The following NUP155 variants were observed in gnomAD, a reference collection of about 807,000 sequenced individuals.
The protein encoded by NUP155 is nucleoporin 155.
Under a neutral mutation model 180.4 loss-of-function variants are expected in NUP155, and 71 were observed. The observed-to-expected ratio is 0.39, with a 90% CI of 0.33 to 0.48. The LOEUF is 0.48. Ranked by LOEUF, NUP155 falls within the 20% of genes least tolerant of loss-of-function variation. NUP155 has a pLI of 0.91. For missense variants in NUP155, 1,553 were observed against 1,648.9 expected, an observed-to-expected ratio of 0.94 and a Z score of 1.01; for synonymous variants, 582 against 559.5, an observed-to-expected ratio of 1.04 and a Z score of -0.57.
chr5:37,328,554 A>G, intron 16 of NUP155, 134 bp from the exon 17 acceptor site: 1 of 663,254 alleles, frequency 1.5e-6, no homozygotes. Context: ...CCCAGGCTGG[A>G]GTGCAGTGGC....
chr5:37,348,212 G>A (rs906836753), intron 9 of NUP155, among the ~76,000 whole-genome samples: 3 of 152,080 alleles, frequency 2.0e-5, no homozygotes, highest in Admixed American at 6.6e-5. Context: ...CCTGTGGCAG[G>A]AGAATCAGTT....
At chr5:37,320,739 A>C (rs1198709830) in intron 20 of NUP155, among the ~76,000 whole-genome samples, 2 of 152,248 alleles carry the variant, frequency 1.3e-5, no homozygotes, top group African/African-American at 4.8e-5. Context: ...TCAATTAACA[A>C]AAGACCATAA....
intron 10 of NUP155, 147 bp downstream of exon 10, chr5:37,342,401 GT>G (rs1276713364): frequency 1.6e-6 from 1 of 606,998 alleles, no homozygotes; most frequent in Non-Finnish European, 2.9e-6. Context: ...AAATCTCCCA[GT>G]TTTCAAAATC....
At chr5:37,310,213 C>A (rs920045815) in intron 23 of NUP155, among the ~76,000 whole-genome samples, 7 of 152,102 alleles carry the variant, frequency 4.6e-5, no homozygotes, top group African/African-American at 1.7e-4. Flanking sequence ...TGGTGCACAC[C>A]CGTAGCCCCT....
At chr5:37,295,580 G>A (rs1310091198) in intron 32 of NUP155, among the ~76,000 whole-genome samples, 4 of 112,114 alleles carry the variant, frequency 3.6e-5, no homozygotes, top group African/African-American at 6.0e-5. Context: ...CTGCCCAGCC[G>A]CCATCCCATC....
chr5:37,355,604 T>A (rs7711453), intron 4 of NUP155, among the ~76,000 whole-genome samples: 147,056 of 151,404 alleles, frequency 0.97, 71,576 homozygotes, highest in East Asian at 1. Flanking sequence ...TCAGAGGCGA[T>A]GTCTCACTCT....
chr5:37,295,093 A>C (rs1198279923), intron 32 of NUP155, among the ~76,000 whole-genome samples: 2 of 152,124 alleles, frequency 1.3e-5, no homozygotes, highest in African/African-American at 4.8e-5. Context: ...TCTCCCTCTG[A>C]TGCCGAGCCG....
intron 32 of NUP155, among the ~76,000 whole-genome samples, chr5:37,295,430 C>A (rs1270639739): frequency 1.3e-5 from 2 of 152,006 alleles, no homozygotes; most frequent in Non-Finnish European, 2.9e-5. Flanking sequence ...GCCTTGGCCT[C>A]CCAAAGTGCC....
chr5:37,352,804 G>C lies in NUP155; in HGVS notation c.489C>G (p.His163Gln), dbSNP rs202230125. The C allele has an allele frequency of 6.2e-7, 1 of 1,613,464 alleles. No individual in the cohort carries two copies. Among genetic ancestry groups the C allele is most frequent in the Non-Finnish European group, 8.5e-7 (1 of 1,179,538 alleles). Residue 163 changes from histidine (H) to glutamine (Q), a missense_variant, in exon 5 of 35, where the codon CAC becomes CAG. Physicochemically the swap from His to Gln is conservative, Grantham distance 24. Transcript: ENST00000231498. ...CTACAGGGGTCGCCAAAACCAGGAG[G>C]TGTCGCACATGAGGTTGAAAGATGC... The part of the protein sequence containing the change: ...KAGIFQPHVR[H>Q]LLVLATPVDI...
chr5:37,362,273 G>A (rs1221424291), intron 3 of NUP155, among the ~76,000 whole-genome samples: 1 of 151,696 alleles, frequency 6.6e-6, no homozygotes, highest in Non-Finnish European at 1.5e-5. Flanking sequence ...TAATGGAAAT[G>A]TAAAAAATTT....
intron 4 of NUP155, among the ~76,000 whole-genome samples, chr5:37,354,446 C>CT (rs1746676892): frequency 7.6e-6 from 1 of 132,410 alleles, no homozygotes; most frequent in South Asian, 2.5e-4. Context: ...CACCCAGTGT[C>CT]TTTATTTCTT....
intron 12 of NUP155, among the ~76,000 whole-genome samples, chr5:37,337,330 C>T (rs936956312): frequency 7.2e-5 from 11 of 151,762 alleles, no homozygotes; most frequent in East Asian, 1.9e-4. Flanking sequence ...AATTCTCTTA[C>T]GTGAGGTTCA....
Position 37,341,070 on chromosome 5 carries a change from G to C in NUP155, c.1246+20C>G, listed in dbSNP as rs373390890. ...ATTTTAAGAATATAATCTTAAATCT[G>C]ATAGTATTTCAGAACTTACCTTTAC... On this transcript the variant is annotated intron_variant, in intron 11 of 34. Transcript: ENST00000231498. The C allele has an allele frequency of 6.4e-6, 10 of 1,558,764 alleles. No individual in the cohort carries two copies. In the African/African-American group the frequency reaches 1.4e-4, roughly 21 times the overall value.
At chr5:37,339,166 C>G (rs1455237225) in intron 11 of NUP155, among the ~76,000 whole-genome samples, 1 of 151,166 alleles carries the variant, frequency 6.6e-6, no homozygotes, top group Non-Finnish European at 1.5e-5. Flanking sequence ...CCCAGGAGTT[C>G]GAGACCAGCC....
In NUP155 at chr5:37,288,779, T is replaced by TGGGGGGGGGGGGG. The variant is rs1303278690; in HGVS notation, c.*3120_*3121insCCCCCCCCCCCCC. The TGGGGGGGGGGGGG allele has an allele frequency of 2.2e-5, 1 of 45,688 alleles. No homozygotes were observed. The highest frequency in any genetic ancestry group is 6.6e-5 in the African/African-American group (1 of 15,158). The allele number at this position is 45,688 out of a possible 1,614,324, so 2.8% of individuals were successfully genotyped here. A position where few individuals can be genotyped will look rare whatever the true frequency, so the allele number is the denominator to read the frequency against. On this transcript the variant is annotated 3_prime_UTR_variant, in exon 35 of 35. Transcript: ENST00000231498. Reference sequence around the variant, plus strand: ...AAAAAAAAAAAAAAAGTAGGGGGGGTGGGGCTAGGCGCAGTGGCTCATGCC... The same window carrying TGGGGGGGGGGGGG: ...AAAAAAAAAAAAAAAGTAGGGGGGGTGGGGGGGGGGGGGGGGGCTAGGCGCAGTGGCTCATGCC...
chr5:37,351,394 A>G, intron 5 of NUP155, 38 bp from the exon 6 acceptor site: 1 of 1,404,398 alleles, frequency 7.1e-7, no homozygotes, highest in Non-Finnish European at 1.0e-6. Flanking sequence ...TTTATTAGCT[A>G]CTCCACAGTT....
At chr5:37,295,203 C>A (rs1038671548) in intron 32 of NUP155, among the ~76,000 whole-genome samples, 15 of 152,130 alleles carry the variant, frequency 9.9e-5, no homozygotes, top group Admixed American at 2.0e-4. Context: ...CGCGCCGCCA[C>A]GCCTGACTGG....
At chr5:37,337,996 G>A (rs914138610) in intron 11 of NUP155, 78 bp from the exon 12 acceptor site, 1 of 933,860 alleles carries the variant, frequency 1.1e-6, no homozygotes, top group Non-Finnish European at 1.7e-6. Context: ...TATTAGGTTA[G>A]TGCAAAAGCA....
intron 19 of NUP155, among the ~76,000 whole-genome samples, chr5:37,325,028 G>C (rs772551624): frequency 6.6e-6 from 1 of 152,150 alleles, no homozygotes; most frequent in Non-Finnish European, 1.5e-5. Context: ...GCGCGCACCT[G>C]TAATCCCAGC....
Sources: allele counts gnomAD v4.1 joint callset (sites outside exome capture counted in the v4.1 genomes callset), GRCh38; gene constraint gnomAD v4.1.1; transcripts MANE v1.5; gene names NCBI Gene and HGNC (gene_info 2026-07-23, HGNC 2026-07-21).